Variants in UNC93A observed in about 807,000 individuals in gnomAD.
UNC93A encodes unc-93 homolog A.
UNC93A carries 43 observed loss-of-function variants against 47.5 expected under a neutral mutation model. That is an observed-to-expected ratio of 0.91 (90% confidence interval 0.71 to 1.17). The LOEUF (loss-of-function observed/expected upper bound fraction) is 1.17, where lower values mean the gene tolerates loss of function less well. Ranked by LOEUF, UNC93A falls within the 50% of genes most tolerant of loss-of-function variation. UNC93A has a pLI of 0.00. For synonymous variants in UNC93A, 280 were observed against 258.0 expected (o/e 1.09, Z -0.82); for missense variants, 605 against 577.6 (o/e 1.05, Z -0.49).
intron 1 of UNC93A, 124 bp downstream of exon 1, chr6:167,291,700 T>A: frequency 1.1e-6 from 1 of 874,784 alleles, no homozygotes; most frequent in Non-Finnish European, 1.7e-6. Flanking sequence ...TTTCACTCTG[T>A]ACCAAATCCT....
chr6:167,295,524 C>CG lies in UNC93A; in HGVS notation c.270-507dup, dbSNP rs1200491947. ...TGATCCTCGCCTGCCTCGTGCTCCTCGCCTGCCTCGTGCTCCTCGCCTCCC... is the reference window on the plus strand; with the variant it reads ...TGATCCTCGCCTGCCTCGTGCTCCTCGGCCTGCCTCGTGCTCCTCGCCTCCC... On this transcript the variant is annotated intron_variant, in intron 2 of 7. Coordinates refer to ENST00000230256, the MANE Select transcript of UNC93A (RefSeq NM_018974.4). 4.9e-5 allele frequency among the ~76,000 whole-genome samples: 5 copies of CG among 101,588 alleles called. 2 individuals carry two copies. The highest frequency in any genetic ancestry group is 3.1e-4 in the African/African-American group (5 of 15,956). 66.6% of individuals were successfully genotyped at this position (101,588 alleles called of 152,430 possible).
At chr6:167,292,213 C>G (rs772558760) in intron 1 of UNC93A, among the ~76,000 whole-genome samples, 2 of 152,158 alleles carry the variant, frequency 1.3e-5, no homozygotes, top group African/African-American at 2.4e-5. Flanking sequence ...AGTCTGAATT[C>G]CAGGGAATTC....
At chr6:167,305,439 C>T (rs959939009) in intron 5 of UNC93A, among the ~76,000 whole-genome samples, 4 of 152,298 alleles carry the variant, frequency 2.6e-5, no homozygotes, top group African/African-American at 7.2e-5. Flanking sequence ...CCCTTGAGGT[C>T]GCCCGTGATG....
At chr6:167,301,056 T>C (rs531849385) in intron 4 of UNC93A, among the ~76,000 whole-genome samples, 1 of 152,356 alleles carries the variant, frequency 6.6e-6, no homozygotes, top group South Asian at 2.1e-4. Context: ...TGCATGCCAA[T>C]AAAACTTTAT....
intron 7 of UNC93A, among the ~76,000 whole-genome samples, chr6:167,314,069 T>G (rs1483872995): frequency 6.6e-6 from 1 of 152,122 alleles, no homozygotes; most frequent in Non-Finnish European, 1.5e-5. Context: ...CGCATCTGCG[T>G]TGGTCTTCAG....
intron 1 of UNC93A, among the ~76,000 whole-genome samples, chr6:167,276,734 T>C (rs1027649068): frequency 3.3e-5 from 5 of 152,062 alleles, no homozygotes; most frequent in Admixed American, 6.5e-5. Context: ...ACTACTGCTG[T>C]TGTTTGTCCT....
At chr6:167,298,713 T>C (rs1169156185) in intron 4 of UNC93A, among the ~76,000 whole-genome samples, 1 of 152,186 alleles carries the variant, frequency 6.6e-6, no homozygotes, top group African/African-American at 2.4e-5. Context: ...GAGAATGTTA[T>C]GTAATAGTTT....
intron 4 of UNC93A, among the ~76,000 whole-genome samples, chr6:167,300,982 T>C (rs780952846): frequency 2.2e-4 from 34 of 152,248 alleles, no homozygotes; most frequent in Admixed American, 2.6e-4. Context: ...CTTGTTGCAA[T>C]TGTTCAACAT....
chr6:167,283,437 T>G (rs1222122791), intron 1 of UNC93A, among the ~76,000 whole-genome samples: 3 of 152,088 alleles, frequency 2.0e-5, no homozygotes, highest in Non-Finnish European at 4.4e-5. Context: ...TGAACTAGAT[T>G]GTTAGGATTC....
chr6:167,284,723 A>G (rs1242276579), intron 1 of UNC93A, among the ~76,000 whole-genome samples: 1 of 152,278 alleles, frequency 6.6e-6, no homozygotes, highest in South Asian at 2.1e-4. Context: ...TAGTGCCCAC[A>G]CACAGCCCAT....
intron 1 of UNC93A, among the ~76,000 whole-genome samples, chr6:167,293,240 C>A (rs1037998717): frequency 6.6e-6 from 1 of 152,142 alleles, no homozygotes; most frequent in East Asian, 1.9e-4. Context: ...CAGCACTTCC[C>A]ACTCCTCCTG....
chr6:167,272,534 G>T (rs1783466023), intron 1 of UNC93A, among the ~76,000 whole-genome samples: 2 of 152,228 alleles, frequency 1.3e-5, no homozygotes, highest in African/African-American at 2.4e-5. Flanking sequence ...ATGTGCCCAA[G>T]GTGGTGGGGA....
chr6:167,299,807 G>A (rs1179475684), intron 4 of UNC93A, among the ~76,000 whole-genome samples: 3 of 152,248 alleles, frequency 2.0e-5, no homozygotes, highest in Non-Finnish European at 4.4e-5. Context: ...AGGGCTGGGG[G>A]CAAGGTGGAG....
At chr6:167,285,553 C>T (rs1783712341) in intron 1 of UNC93A, among the ~76,000 whole-genome samples, 1 of 151,740 alleles carries the variant, frequency 6.6e-6, no homozygotes, top group Non-Finnish European at 1.5e-5. Flanking sequence ...TGAGAGTTGG[C>T]CTCTGTCGCA....
chr6:167,304,977 G>T, intron 5 of UNC93A, among the ~76,000 whole-genome samples: 1 of 152,140 alleles, frequency 6.6e-6, no homozygotes, highest in East Asian at 1.9e-4. Flanking sequence ...GAGAGGCGGT[G>T]CCCCACCTCA....
chr6:167,281,023 T>C (rs1341282955), intron 1 of UNC93A, among the ~76,000 whole-genome samples: 4 of 152,084 alleles, frequency 2.6e-5, no homozygotes, highest in African/African-American at 9.7e-5. Context: ...AGGTTCCTTC[T>C]GAAGTTGAAA....
At chr6:167,275,141 C>A (rs1783518356) in intron 1 of UNC93A, among the ~76,000 whole-genome samples, 1 of 152,124 alleles carries the variant, frequency 6.6e-6, no homozygotes, top group African/African-American at 2.4e-5. Context: ...ATGCAGGAGA[C>A]TTGGGCTGGT....
At chr6:167,296,680 C>T (rs1412843443) in intron 3 of UNC93A, among the ~76,000 whole-genome samples, 1 of 152,232 alleles carries the variant, frequency 6.6e-6, no homozygotes, top group Non-Finnish European at 1.5e-5. Context: ...ATGACAGGCC[C>T]CTTATCCCAT....
chr6:167,273,385 G>C (rs550167235), intron 1 of UNC93A, among the ~76,000 whole-genome samples: 1 of 152,132 alleles, frequency 6.6e-6, no homozygotes, highest in Non-Finnish European at 1.5e-5. Context: ...CCCCAGCCAT[G>C]CCTCCTCATT....
Sources: allele counts gnomAD v4.1 joint callset (sites outside exome capture counted in the v4.1 genomes callset), GRCh38; gene constraint gnomAD v4.1.1; transcripts MANE v1.5; gene names NCBI Gene and HGNC (gene_info 2026-07-23, HGNC 2026-07-21).